The following CEP112 variants were observed in gnomAD, a reference collection of about 807,000 sequenced individuals.
CEP112 encodes centrosomal protein of 112 kDa.
A neutral mutation model predicts 153.0 loss-of-function variants in CEP112; 127 were observed. That is an observed-to-expected ratio of 0.83 (90% confidence interval 0.72 to 0.96). CEP112 has a LOEUF of 0.96. CEP112 is among the 40% of genes least tolerant of loss of function. The probability of loss-of-function intolerance (pLI) is 0.00; values close to 1 mark genes in which losing one functional copy is unlikely to be tolerated. For missense variants in CEP112, 1,089 were observed against 1,101.2 expected (o/e 0.99, Z 0.16); for synonymous variants, 358 against 374.4 (o/e 0.96, Z 0.51).
At position 65,651,702 on chromosome 17, in the gene CEP112, C is replaced by T. The variant is rs140155391; in HGVS notation, c.2698-10637G>A. Among the ~76,000 whole-genome samples, 1,211 of 148,850 alleles carry T rather than the reference C, an allele frequency of 8.1e-3. 27 individuals are homozygous for T. The highest frequency in any genetic ancestry group is 0.029 in the African/African-American group (1,151 of 40,304). Reference sequence around the variant, plus strand: ...CCTTCCTTCTTTCCTTCCTTCCTTCCTTTCTTTTCTTTCTTTCTTGTCAAG... The same window carrying T: ...CCTTCCTTCTTTCCTTCCTTCCTTCTTTTCTTTTCTTTCTTTCTTGTCAAG... On this transcript the variant is annotated intron_variant, in intron 24 of 26. Transcript: ENST00000535342.
chr17:65,650,676 A>G (rs1041688188), intron 24 of CEP112, among the ~76,000 whole-genome samples: 1 of 146,724 alleles, frequency 6.8e-6, no homozygotes, highest in Non-Finnish European at 1.5e-5. Flanking sequence ...TGGGCAGATC[A>G]CCTGAGGTCA....
Position 66,000,954 on chromosome 17 carries a change from C to T in CEP112, c.1736+4736G>A, listed in dbSNP as rs117933871. Among the ~76,000 whole-genome samples, 25 of 152,312 alleles carry T rather than the reference C, an allele frequency of 1.6e-4. No individual in the cohort carries two copies. In the East Asian group the frequency reaches 4.1e-3, roughly 25 times the overall value. On this transcript the variant is annotated intron_variant, in intron 17 of 26. Transcript: ENST00000535342. ...TGATGCTGTGCTGGATTTTCTGAAACGGAAGGCTAGACAACTTCTCTACAA... is the reference window on the plus strand; with the variant it reads ...TGATGCTGTGCTGGATTTTCTGAAATGGAAGGCTAGACAACTTCTCTACAA...
At chr17:66,190,841 C>A (rs1367659966) in intron 1 of CEP112, among the ~76,000 whole-genome samples, 1 of 152,126 alleles carries the variant, frequency 6.6e-6, no homozygotes, top group Non-Finnish European at 1.5e-5. Context: ...AACTGCCAAG[C>A]AAAGAATACA....
intron 4 of CEP112, among the ~76,000 whole-genome samples, chr17:66,134,754 T>C (rs2070361786): frequency 6.6e-6 from 1 of 152,098 alleles, no homozygotes; most frequent in Non-Finnish European, 1.5e-5. Flanking sequence ...AGCGGGAGGT[T>C]GAGGCTACAG....
chr17:66,106,594 A>G (rs1159765471), intron 6 of CEP112, among the ~76,000 whole-genome samples: 28 of 152,126 alleles, frequency 1.8e-4, no homozygotes, highest in Admixed American at 1.8e-3. Context: ...GTGAATAAGG[A>G]AGAAATCTAA....
chr17:66,026,466 T>A (rs916679557), intron 16 of CEP112, among the ~76,000 whole-genome samples: 2 of 20,584 alleles, frequency 9.7e-5, no homozygotes, highest in Non-Finnish European at 3.5e-4. Flanking sequence ...TTAGGTTCTT[T>A]TGTTAAAATG....
chr17:65,776,840 T>C (rs1169915905), intron 21 of CEP112, among the ~76,000 whole-genome samples: 4 of 152,198 alleles, frequency 2.6e-5, no homozygotes, highest in East Asian at 1.9e-4. Flanking sequence ...ATATATATCA[T>C]TGTCTGGGGT....
At chr17:66,084,952 A>C (rs1284463317) in intron 8 of CEP112, among the ~76,000 whole-genome samples, 1 of 152,190 alleles carries the variant, frequency 6.6e-6, no homozygotes, top group Admixed American at 6.5e-5. Flanking sequence ...CTATGTACGC[A>C]CAAAAATTCA....
chr17:65,771,443 T>C (rs2053349405), intron 21 of CEP112, among the ~76,000 whole-genome samples: 1 of 152,118 alleles, frequency 6.6e-6, no homozygotes, highest in Non-Finnish European at 1.5e-5. Flanking sequence ...AAATGACAAC[T>C]GAAGATAATT....
intron 20 of CEP112, among the ~76,000 whole-genome samples, chr17:65,863,768 A>G (rs1339702460): frequency 4.0e-5 from 6 of 151,540 alleles, no homozygotes; most frequent in Admixed American, 2.0e-4. Context: ...AAAGAAAAAA[A>G]AAAGAAACAA....
At chr17:65,940,827 T>C (rs2061483682) in intron 18 of CEP112, among the ~76,000 whole-genome samples, 3 of 152,174 alleles carry the variant, frequency 2.0e-5, no homozygotes. Context: ...CTGCAGAGCA[T>C]AGCGACTATA....
chr17:66,175,093 A>G lies in CEP112; in HGVS notation c.421T>C (p.Ser141Pro), dbSNP rs1324124265. The G allele has an allele frequency of 6.2e-7, 1 of 1,612,904 alleles. No homozygotes were observed. Among genetic ancestry groups the G allele is most frequent in the East Asian group, 2.2e-5 (1 of 44,834 alleles). Reference protein sequence around the residue: ...EHKLNESWKLSSGEDNTLVQS... With the variant: ...EHKLNESWKLPSGEDNTLVQS... ...ACTAAAGTGTTATCTTCTCCAGAAG[A>G]GAGTTTCCATGATTCATTTAATTTG... is the stretch of plus-strand genomic sequence containing the variant. The change falls in exon 4 of 27, where the codon TCT (serine) becomes CCT (proline). Residue 141 changes from serine to proline, a missense_variant. Transcript: ENST00000535342.
At chr17:65,816,723 G>C (rs1421733620) in intron 21 of CEP112, among the ~76,000 whole-genome samples, 1 of 151,864 alleles carries the variant, frequency 6.6e-6, no homozygotes, top group African/African-American at 2.4e-5. Flanking sequence ...GTGATTTTTT[G>C]TGTGTGTCTG....
chr17:65,641,024 TC>T lies in CEP112; in HGVS notation c.2738del (p.Gly913AspfsTer2). On this transcript the variant is annotated frameshift_variant, in exon 25 of 27. Transcript: ENST00000535342. LOFTEE classifies it high-confidence loss of function. ...CTTGTCTTAGGGATGCTGGCATCAA[TC>T]CTTTCAATTTTGTTTCATATTCTTG... ...IRQEYETKLKGLMPASLRQEL... is the reference protein window; with the variant it reads ...IRQEYETKLKXLMPASLRQEL... 6.2e-7 allele frequency: 1 copy of T among 1,611,572 alleles called. No homozygotes were observed.
At chr17:66,026,345 C>A (rs1309982846) in intron 16 of CEP112, among the ~76,000 whole-genome samples, 2 of 152,096 alleles carry the variant, frequency 1.3e-5, no homozygotes, top group African/African-American at 4.8e-5. Context: ...GTGTCAATAA[C>A]CCCCTAGTTA....
intron 20 of CEP112, among the ~76,000 whole-genome samples, chr17:65,883,980 G>T (rs964561967): frequency 3.9e-5 from 6 of 152,298 alleles, no homozygotes; most frequent in African/African-American, 1.4e-4. Context: ...ACATAGGGAG[G>T]TTGGGAGGGA....
chr17:66,005,649 A>G (rs779563099), intron 17 of CEP112, 41 bp downstream of exon 17: 2 of 1,586,754 alleles, frequency 1.3e-6, no homozygotes, highest in South Asian at 1.2e-5. Flanking sequence ...ACAGTTTAAT[A>G]AAGGGTAGTT....
chr17:66,120,279 C>A (rs1039492668), intron 6 of CEP112, among the ~76,000 whole-genome samples: 1 of 152,118 alleles, frequency 6.6e-6, no homozygotes, highest in Non-Finnish European at 1.5e-5. Context: ...CAGCTCACTG[C>A]AACCTCCACC....
intron 24 of CEP112, among the ~76,000 whole-genome samples, chr17:65,653,273 T>G (rs1472637129): frequency 6.6e-6 from 1 of 152,150 alleles, no homozygotes; most frequent in Non-Finnish European, 1.5e-5. Context: ...ATGACTTAAT[T>G]TAAGGGAAGG....
Sources: allele counts gnomAD v4.1 joint callset (sites outside exome capture counted in the v4.1 genomes callset), GRCh38; gene constraint gnomAD v4.1.1; transcripts MANE v1.5; gene names NCBI Gene and HGNC (gene_info 2026-07-23, HGNC 2026-07-21).